COL12A1: variants seen among roughly 807,000 people sequenced by gnomAD.
The protein encoded by COL12A1 is collagen type XII alpha 1 chain.
In COL12A1, 114 loss-of-function variants were observed where a neutral mutation model predicts 349.7. That is an observed-to-expected ratio of 0.33 (90% CI 0.28 to 0.38). The LOEUF (loss-of-function observed/expected upper bound fraction) is 0.38. COL12A1 is among the 10% of genes least tolerant of loss of function. COL12A1 has a pLI of 1.00. For missense variants in COL12A1, 3,284 were observed against 3,756.9 expected, an observed-to-expected ratio of 0.87 and a Z score of 3.29; for synonymous variants, 1,369 against 1,329.0, an observed-to-expected ratio of 1.03 and a Z score of -0.66.
chr6:75,105,185 G>A, intron 54 of COL12A1, 21 bp downstream of exon 54: 1 of 1,590,832 alleles, frequency 6.3e-7, no homozygotes, highest in East Asian at 2.2e-5. Flanking sequence ...AAAACCAGAG[G>A]ATCTATTTCA....
chr6:75,125,291 A>G lies in COL12A1; in HGVS notation c.6461-18T>C. ...ATTGGAACCTTTATTAACAACCACA[A>G]AAATACACAGAAACATGCCATCAAT... On this transcript the variant is annotated intron_variant, in intron 39 of 65. Coordinates refer to ENST00000322507, the MANE Select transcript of COL12A1 (RefSeq NM_004370.6). The G allele has an allele frequency of 6.3e-7, 1 of 1,579,866 alleles. No individual in the cohort carries two copies. The highest frequency in any genetic ancestry group is 8.6e-7 in the Non-Finnish European group (1 of 1,163,328).
chr6:75,119,740 G>A (rs1769261734), intron 44 of COL12A1, among the ~76,000 whole-genome samples: 1 of 152,100 alleles, frequency 6.6e-6, no homozygotes, highest in African/African-American at 2.4e-5. Flanking sequence ...CTTTCTCTAG[G>A]ACATAGAAAG....
chr6:75,102,217 T>G (rs558586207), intron 56 of COL12A1, among the ~76,000 whole-genome samples, 165 bp from the exon 57 acceptor site: 1 of 152,360 alleles, frequency 6.6e-6, no homozygotes, highest in East Asian at 1.9e-4. Flanking sequence ...AAACCTTTTT[T>G]GAATTAATGC....
rs1282692160 is a variant in COL12A1 at position 75,090,863 on chromosome 6, C to T, written c.8752+460G>A. The stretch of plus-strand genomic sequence containing the variant: ...GCACTTTGGAAAACATTGATTAAGA[C>T]TTCTCTAAGAGTGAGTTATGGGTTT... On this transcript the variant is annotated intron_variant, in intron 62 of 65. Transcript: ENST00000322507. The surrounding 1 kb of genome is among the most constrained non-coding windows in gnomAD (Gnocchi z 4.1). Among the ~76,000 whole-genome samples, 2 of 152,194 alleles carry T rather than the reference C, an allele frequency of 1.3e-5. No individual in the cohort carries two copies. The highest frequency in any genetic ancestry group is 2.9e-5 in the Non-Finnish European group (2 of 68,030).
rs1426866572 is a variant in COL12A1 at position 75,183,355 on chromosome 6, T to A, written c.1586A>T (p.Lys529Ile). 1 of 1,614,224 alleles carries A rather than the reference T, an allele frequency of 6.2e-7. No homozygotes were observed. The highest frequency in any genetic ancestry group is 8.5e-7 in the Non-Finnish European group (1 of 1,180,034). ...TGKAMTYVRE[K>I]IFVPSKGSRS... ...TGATCCCTTGCTAGGCACAAATATTTTCTCTCTGACATAAGTCATTGCTTT... is the reference window on the plus strand; with the variant it reads ...TGATCCCTTGCTAGGCACAAATATTATCTCTCTGACATAAGTCATTGCTTT... Residue 529 changes from lysine to isoleucine, a missense_variant, in exon 10 of 66, where the codon AAA becomes ATA. This residue lies in a region of COL12A1 where 2,601 missense variants were observed against 2,824.8 expected (regional missense o/e 0.92). Coordinates refer to ENST00000322507, the MANE Select transcript of COL12A1 (RefSeq NM_004370.6).
intron 13 of COL12A1, among the ~76,000 whole-genome samples, chr6:75,166,816 A>T (rs936254660): frequency 6.6e-6 from 1 of 152,196 alleles, no homozygotes; most frequent in Non-Finnish European, 1.5e-5. Flanking sequence ...TTTAACAATT[A>T]TATTTCAACA....
chr6:75,127,278 G>T (rs932410343), intron 38 of COL12A1, among the ~76,000 whole-genome samples: 1 of 152,102 alleles, frequency 6.6e-6, no homozygotes, highest in Non-Finnish European at 1.5e-5. Context: ...TGAGTCATGT[G>T]AGTCTCCATT....
At chr6:75,106,043 A>G (rs1360927270) in intron 53 of COL12A1, among the ~76,000 whole-genome samples, 1 of 152,250 alleles carries the variant, frequency 6.6e-6, no homozygotes. Context: ...CATCTCAAAA[A>G]GAAATAATAT....
In COL12A1 at chr6:75,189,720, C is replaced by T. The variant is rs374938590; in HGVS notation, c.490G>A (p.Ala164Thr). The change falls in exon 6 of 66, where the codon GCT (alanine) becomes ACT (threonine). Residue 164 changes from alanine to threonine, a missense_variant. Transcript: ENST00000322507. ...ATGTCAAAAGCAGACACAAGAGCAG[C>T]AATGAAGTCTAAAATGTACTTGAAA... Reference protein sequence around the residue: ...NNFKYILDFIAALVSAFDIGE... With the variant: ...NNFKYILDFITALVSAFDIGE... 6.2e-7 allele frequency: 1 copy of T among 1,613,354 alleles called. No individual in the cohort carries two copies.
chr6:75,192,021 T>C (rs1260511260), intron 4 of COL12A1, among the ~76,000 whole-genome samples, 191 bp downstream of exon 4: 2 of 151,992 alleles, frequency 1.3e-5, no homozygotes, highest in Non-Finnish European at 1.5e-5. Context: ...ATAACATTCC[T>C]GCTGTTTCCA....
In COL12A1 at chr6:75,182,226, A is replaced by T. The variant is rs562263735; in HGVS notation, c.1891+824T>A. ...AAAGGATGGGACTTTTTATTATTAT[A>T]ATACTTTGAGTTCTGGGGTACATGT... On this transcript the variant is annotated intron_variant, in intron 10 of 65. Coordinates refer to ENST00000322507, the MANE Select transcript of COL12A1 (RefSeq NM_004370.6). 8.8e-5 allele frequency among the ~76,000 whole-genome samples: 13 copies of T among 148,160 alleles called. No homozygotes were observed. The South Asian group carries it at 2.6e-3, about 30-fold the overall frequency.
At position 75,121,413 on chromosome 6, in the gene COL12A1, C is replaced by T; in HGVS notation, c.6975G>A (p.Val2325=). ...DVCKGAKADI[V]FLTDASWSIG... is the part of the protein sequence containing the mutation. ...TGCTCCAGGAGGCATCAGTCAAGAA[C>T]ACAATATCTGCCTTGGCCCCTTTGC... is the stretch of plus-strand genomic sequence containing the variant. Residue 2325 remains valine, a synonymous_variant, in exon 44 of 66, where the codon GTG becomes GTA. Transcript: ENST00000322507. 1 of 1,605,798 alleles carries T rather than the reference C, an allele frequency of 6.2e-7. No individual in the cohort carries two copies. The highest frequency in any genetic ancestry group is 8.5e-7 in the Non-Finnish European group (1 of 1,174,156).
rs1767127811 is a variant in COL12A1 at position 75,145,411 on chromosome 6, A to G, written c.4605T>C (p.Leu1535=). The G allele has an allele frequency of 6.2e-6, 10 of 1,614,054 alleles. No individual in the cohort carries two copies. Among genetic ancestry groups the G allele is most frequent in the Non-Finnish European group, 5.9e-6 (7 of 1,179,932 alleles). Residue 1535 remains leucine, a synonymous_variant, in exon 25 of 66, where the codon CTT becomes CTC. Coordinates refer to ENST00000322507, the MANE Select transcript of COL12A1 (RefSeq NM_004370.6). ...PTVNDMQLTD[L]VPNTEYAVTV... ...TGACTGCATACTCCGTGTTGGGAACAAGGTCAGTCAGCTGCATGTCATTCA... is the reference window on the plus strand; with the variant it reads ...TGACTGCATACTCCGTGTTGGGAACGAGGTCAGTCAGCTGCATGTCATTCA...
intron 36 of COL12A1, among the ~76,000 whole-genome samples, 198 bp downstream of exon 36, chr6:75,130,654 G>A (rs1766254806): frequency 2.0e-5 from 3 of 152,098 alleles, no homozygotes; most frequent in African/African-American, 7.2e-5. Flanking sequence ...TGTCCCAAAT[G>A]AGAACACGAA....
chr6:75,101,978 G>A (rs377415538), intron 57 of COL12A1, 21 bp downstream of exon 57: 2 of 1,613,314 alleles, frequency 1.2e-6, no homozygotes, highest in African/African-American at 2.7e-5. Flanking sequence ...ACATGACAGG[G>A]CAACTTAGAG....
intron 5 of COL12A1, among the ~76,000 whole-genome samples, chr6:75,190,592 T>G (rs1339331844): frequency 2.0e-5 from 3 of 151,948 alleles, no homozygotes; most frequent in African/African-American, 7.2e-5. Context: ...TAACTGAATA[T>G]GTTATCTTTC....
At chr6:75,205,060 C>T (rs1035075141) in intron 1 of COL12A1, among the ~76,000 whole-genome samples, 56 of 151,948 alleles carry the variant, frequency 3.7e-4, no homozygotes, top group African/African-American at 1.2e-3. Flanking sequence ...TTCTGATCCC[C>T]ACAAGTCTAG....
Position 75,185,707 on chromosome 6 carries a change from C to T in COL12A1, c.998-1563G>A, listed in dbSNP as rs185941212. ...AATGCTGGAGGTGCAGGCTATCTGACTTCAAATTATGCTACAGGGCTGTGG... is the reference window on the plus strand; with the variant it reads ...AATGCTGGAGGTGCAGGCTATCTGATTTCAAATTATGCTACAGGGCTGTGG... On this transcript the variant is annotated intron_variant, in intron 8 of 65. Transcript: ENST00000322507. 6.6e-5 allele frequency among the ~76,000 whole-genome samples: 10 copies of T among 152,266 alleles called. 1 individual carries two copies. Among genetic ancestry groups the T allele is most frequent in the East Asian group, 3.9e-4 (2 of 5,176 alleles).
Position 75,146,176 on chromosome 6 carries a change from G to T in COL12A1, c.4486C>A (p.Pro1496Thr), listed in dbSNP as rs769064378. Residue 1496 changes from proline (P) to threonine (T), a missense_variant, in exon 24 of 66, where the codon CCT (proline) becomes ACT (threonine). Physicochemically the swap from Pro to Thr is conservative, Grantham distance 38. This residue lies in a region of COL12A1 where 2,601 missense variants were observed against 2,824.8 expected (regional missense o/e 0.92). Coordinates refer to ENST00000322507, the MANE Select transcript of COL12A1 (RefSeq NM_004370.6). The stretch of plus-strand genomic sequence containing the variant: ...ATGTAGCCAGTAGCTCCTCCCACAG[G>T]CTGCCACTGCACATGCATGGTGGTA... ...GPTTMHVQWQ[P>T]VGGATGYILS... The T allele has an allele frequency of 1.2e-6, 2 of 1,613,436 alleles. No individual in the cohort carries two copies. The highest frequency in any genetic ancestry group is 4.5e-5 in the East Asian group (2 of 44,836).
Sources: allele counts gnomAD v4.1 joint callset (sites outside exome capture counted in the v4.1 genomes callset), GRCh38; gene constraint gnomAD v4.1.1; regional missense constraint gnomAD v4.1.1; non-coding constraint Gnocchi (gnomAD v3.1); transcripts MANE v1.5; gene names NCBI Gene and HGNC (gene_info 2026-07-23, HGNC 2026-07-21).